Variants in ZNF385D observed in about 807,000 individuals in gnomAD.
ZNF385D encodes the protein zinc finger protein 659.
ZNF385D carries 15 observed loss-of-function variants against 35.8 expected under a neutral mutation model. The ratio of observed to expected loss-of-function variants is 0.42; its 90% CI spans 0.28 to 0.64. The LOEUF (loss-of-function observed/expected upper bound fraction) is 0.64, where lower values mean the gene tolerates loss of function less well. Among genes scored for constraint, ZNF385D ranks in the 30% least tolerant of loss-of-function variants. The pLI, the probability that ZNF385D is intolerant of heterozygous loss-of-function variation, is 0.23. For synonymous variants in ZNF385D, 212 were observed against 186.8 expected (o/e 1.13, Z -1.10); for missense variants, 474 against 494.6 (o/e 0.96, Z 0.39).
intron 4 of ZNF385D, among the ~76,000 whole-genome samples, chr3:21,486,941 T>A (rs374018075): frequency 6.6e-6 from 1 of 152,136 alleles, no homozygotes; most frequent in East Asian, 1.9e-4. Context: ...AGATACATAT[T>A]CTTGAAGAAC....
chr3:21,415,596 T>C lies in ZNF385D; in HGVS notation c.*5618A>G, dbSNP rs1700551952. ...AGACTCATATTTTTACAATTCTGTA[T>C]GTGTGTGCGTATATAAGCATTAACC... is the stretch of plus-strand genomic sequence containing the variant. On this transcript the variant is annotated 3_prime_UTR_variant, in exon 8 of 8. Transcript: ENST00000281523. The C allele has an allele frequency of 6.6e-6, 1 of 152,164 alleles. No homozygotes were observed. Among genetic ancestry groups the C allele is most frequent in the South Asian group, 2.1e-4 (1 of 4,832 alleles). 9.4% of individuals were successfully genotyped at this position (152,164 alleles called of 1,614,324 possible). A position where few individuals can be genotyped will look rare whatever the true frequency, so the allele number is the denominator to read the frequency against.
At chr3:22,199,421 G>A (rs948119125) in intron 2 of ZNF385D, among the ~76,000 whole-genome samples, 3 of 152,060 alleles carry the variant, frequency 2.0e-5, no homozygotes, top group Non-Finnish European at 4.4e-5. Flanking sequence ...ATCCAAAAAG[G>A]GAGTGTTTGC....
chr3:22,226,409 AACAG>A lies in ZNF385D; in HGVS notation c.107-57378_107-57375del, dbSNP rs549119077. On this transcript the variant is annotated intron_variant, in intron 2 of 5. Transcript: ENST00000494108. The stretch of plus-strand genomic sequence containing the variant: ...CACGAGCAGAGAGAGCTCAGCAGAA[AACAG>A]ACAAAGATTCCCTGATCCCAAGATT... Among the ~76,000 whole-genome samples, 56 of 152,302 alleles carry A rather than the reference AACAG, an allele frequency of 3.7e-4. No homozygotes were observed. The East Asian group carries it at 3.9e-3, about 11-fold the overall frequency.
In ZNF385D at chr3:21,546,588, CCAAGCTTTAGGT is replaced by C. The variant is rs1369645241; in HGVS notation, c.276+17974_276+17985del. 2.0e-5 allele frequency among the ~76,000 whole-genome samples: 3 copies of C among 151,880 alleles called. No homozygotes were observed. In the East Asian group the frequency reaches 5.9e-4, roughly 30 times the overall value. On this transcript the variant is annotated intron_variant, in intron 3 of 7. Transcript: ENST00000281523. ...ACATATTTTTGTCCCAGACTCAATTCCAAGCTTTAGGTCAAAGCTCTAGGAAAGAGAACTGGA... is the reference window on the plus strand; with the variant it reads ...ACATATTTTTGTCCCAGACTCAATTCCAAAGCTCTAGGAAAGAGAACTGGA...
chr3:22,045,439 C>T (rs766361719), intron 3 of ZNF385D, among the ~76,000 whole-genome samples: 5 of 152,136 alleles, frequency 3.3e-5, no homozygotes, highest in African/African-American at 1.2e-4. Context: ...TGGTCTTCCA[C>T]AGAATTGGGA....
intron 3 of ZNF385D, chr3:21,979,880 G>A (rs917033021): frequency 9.2e-5 from 14 of 152,200 alleles, no homozygotes; most frequent in African/African-American, 3.1e-4. Context: ...TATTGCTGTT[G>A]TGGTGGCCTT....
At chr3:22,366,514 G>T (rs1303831510) in intron 2 of ZNF385D, among the ~76,000 whole-genome samples, 4 of 152,064 alleles carry the variant, frequency 2.6e-5, no homozygotes, top group African/African-American at 9.7e-5. Flanking sequence ...TTAAAATAAT[G>T]TACTTTAAAA....
chr3:21,956,530 T>G (rs1702299388), intron 3 of ZNF385D, among the ~76,000 whole-genome samples: 2 of 151,966 alleles, frequency 1.3e-5, no homozygotes, highest in African/African-American at 2.4e-5. Flanking sequence ...ACTAAATACT[T>G]TGCATTATAC....
intron 4 of ZNF385D, among the ~76,000 whole-genome samples, chr3:21,485,223 T>C (rs189793850): frequency 6.6e-6 from 1 of 152,336 alleles, no homozygotes; most frequent in East Asian, 1.9e-4. Flanking sequence ...TGAGCCACAG[T>C]GTTACATGAT....
chr3:21,803,402 T>C (rs931037676), intron 3 of ZNF385D, among the ~76,000 whole-genome samples: 3 of 152,196 alleles, frequency 2.0e-5, no homozygotes, highest in Admixed American at 1.3e-4. Flanking sequence ...CTGGACACCA[T>C]GTTTTCTTCT....
intron 3 of ZNF385D, among the ~76,000 whole-genome samples, chr3:21,933,684 C>G (rs1423390359): frequency 6.6e-6 from 1 of 152,014 alleles, no homozygotes; most frequent in Non-Finnish European, 1.5e-5. Flanking sequence ...ATAAATGGAT[C>G]CTACCTAAAT....
chr3:21,929,904 T>G (rs2125243926), intron 3 of ZNF385D, among the ~76,000 whole-genome samples: 1 of 152,220 alleles, frequency 6.6e-6, no homozygotes, highest in Middle Eastern at 3.4e-3. Flanking sequence ...TAATACATCC[T>G]TTATCAAAAT....
chr3:22,318,015 G>A (rs575451897), intron 2 of ZNF385D, among the ~76,000 whole-genome samples: 7 of 151,738 alleles, frequency 4.6e-5, no homozygotes, highest in South Asian at 4.2e-4. Flanking sequence ...GCATTACCAC[G>A]CTACTGCATT....
intron 3 of ZNF385D, among the ~76,000 whole-genome samples, chr3:21,946,789 G>C (rs1167733199): frequency 1.3e-5 from 2 of 152,170 alleles, no homozygotes; most frequent in Non-Finnish European, 2.9e-5. Context: ...CCGAAATTGC[G>C]CTACTGCACT....
rs946594417 is a variant in ZNF385D, at chr3:21,602,359, C to T, written c.166-37675G>A. ...AAAGCTAGTTGTGGACAATCTAGCA[C>T]ATATTGGCCAGCGTGCAAATATTGA... On this transcript the variant is annotated intron_variant, in intron 2 of 7. Coordinates refer to ENST00000281523, the MANE Select transcript of ZNF385D (RefSeq NM_024697.3). Among the ~76,000 whole-genome samples, 9 of 152,030 alleles carry T rather than the reference C, an allele frequency of 5.9e-5. No individual in the cohort carries two copies. The South Asian group carries it at 1.2e-3, about 21-fold the overall frequency.
intron 3 of ZNF385D, among the ~76,000 whole-genome samples, chr3:22,059,087 C>G (rs1699561720): frequency 6.6e-6 from 1 of 152,210 alleles, no homozygotes; most frequent in South Asian, 2.1e-4. Flanking sequence ...TGGGCAATCA[C>G]TGGACTCCTG....
At position 21,795,377 on chromosome 3, in the gene ZNF385D, G is replaced by A. The variant is rs1818557; in HGVS notation, c.326-130349C>T. On this transcript the variant is annotated intron_variant, in intron 3 of 5. Coordinates refer to the ZNF385D transcript ENST00000494108. ...CCAGTAACAGATGGTTTTATTAGTGGCCACTGCCAGACACTTGGCTGAGGG... is the reference window on the plus strand; with the variant it reads ...CCAGTAACAGATGGTTTTATTAGTGACCACTGCCAGACACTTGGCTGAGGG... 9.7e-3 allele frequency among the ~76,000 whole-genome samples: 1,471 copies of A among 152,310 alleles called. 18 individuals carry two copies. Among genetic ancestry groups the A allele is most frequent in the African/African-American group, 0.033 (1,372 of 41,562 alleles).
intron 2 of ZNF385D, among the ~76,000 whole-genome samples, chr3:22,275,905 C>T (rs781102849): frequency 6.6e-5 from 10 of 151,878 alleles, no homozygotes; most frequent in South Asian, 2.1e-4. Context: ...AACAACATGG[C>T]GAAACCCCAT....
intron 3 of ZNF385D, among the ~76,000 whole-genome samples, chr3:22,117,900 T>C (rs985159434): frequency 1.3e-5 from 2 of 152,060 alleles, no homozygotes; most frequent in African/African-American, 4.8e-5. Context: ...CGTAATTTCA[T>C]GTGGCACAAT....
Sources: gnomAD v4.1 joint callset for allele counts (sites outside exome capture counted in the v4.1 genomes callset) on GRCh38, gnomAD v4.1.1 for gene constraint, MANE v1.5 for transcripts, NCBI Gene and HGNC (gene_info 2026-07-23, HGNC 2026-07-21) for gene names.